The following OGDH variants were observed in gnomAD, a reference collection of about 807,000 sequenced individuals.
The protein encoded by OGDH is oxoglutarate dehydrogenase.
OGDH carries 38 observed loss-of-function variants against 116.6 expected under a neutral mutation model. The observed-to-expected ratio is 0.33, with a 90% CI of 0.25 to 0.43. The LOEUF is 0.43. Among genes scored for constraint, OGDH ranks in the 20% least tolerant of loss-of-function variants. OGDH has a pLI of 1.00. For missense variants in OGDH, 825 were observed against 1,357.2 expected, an observed-to-expected ratio of 0.61 and a Z score of 6.16; for synonymous variants, 488 against 533.3, an observed-to-expected ratio of 0.92 and a Z score of 1.17.
Position 44,703,390 on chromosome 7 carries a change from A to G in OGDH, c.2632+1775A>G, listed in dbSNP as rs541399807. Among the ~76,000 whole-genome samples the G allele has an allele frequency of 7.9e-5, 12 of 151,956 alleles. No individual in the cohort carries two copies. In the South Asian group the frequency reaches 2.5e-3, roughly 32 times the overall value. ...ACCACTGCACTACAGCCTGGGCAAC[A>G]GAGTAGGACTCCATCTCAAAACAAA... On this transcript the variant is annotated intron_variant, in intron 20 of 22. Coordinates refer to ENST00000222673, the MANE Select transcript of OGDH (RefSeq NM_002541.4).
At chr7:44,705,298 C>T (rs531754435) in intron 20 of OGDH, among the ~76,000 whole-genome samples, 3 of 151,076 alleles carry the variant, frequency 2.0e-5, no homozygotes, top group East Asian at 2.0e-4. Flanking sequence ...GTGATCCGCC[C>T]GCCTCGGCCT....
chr7:44,618,080 T>G (rs554467204), intron 1 of OGDH, among the ~76,000 whole-genome samples: 7 of 152,326 alleles, frequency 4.6e-5, no homozygotes, highest in African/African-American at 1.4e-4. Context: ...AAACTAATTT[T>G]CCTTTGGTTT....
At chr7:44,661,395 T>C (rs1786933552) in intron 4 of OGDH, among the ~76,000 whole-genome samples, 1 of 152,180 alleles carries the variant, frequency 6.6e-6, no homozygotes, top group African/African-American at 2.4e-5. Context: ...TTTATATTTA[T>C]CCACTTTTCT....
In OGDH at chr7:44,697,273, A is replaced by G; in HGVS notation, c.2052-97A>G. ...AGCTGCCTGGCCAGAAGTCCAGGTC[A>G]CAGAGCATGGCATCTGCTGGTGCTT... On this transcript the variant is annotated intron_variant, in intron 15 of 22. Transcript: ENST00000222673. The surrounding 1 kb of genome is among the most constrained non-coding windows in gnomAD (Gnocchi z 6.0). 1 of 1,548,444 alleles carries G rather than the reference A, an allele frequency of 6.5e-7. No homozygotes were observed. The highest frequency in any genetic ancestry group is 1.2e-5 in the South Asian group (1 of 83,062).
At chr7:44,701,298 T>C (rs1788818852) in intron 19 of OGDH, among the ~76,000 whole-genome samples, 1 of 151,862 alleles carries the variant, frequency 6.6e-6, no homozygotes, top group Middle Eastern at 3.4e-3. Flanking sequence ...GTATTGGGAG[T>C]CCGAGCAGGC....
intron 1 of OGDH, among the ~76,000 whole-genome samples, chr7:44,610,122 ACT>A (rs1201275879): frequency 1.3e-5 from 2 of 149,812 alleles, no homozygotes; most frequent in Non-Finnish European, 3.0e-5. Context: ...GCCCCTGTAT[ACT>A]CTCGGGTGAA....
At chr7:44,669,527 T>C (rs1164234790) in intron 5 of OGDH, among the ~76,000 whole-genome samples, 3 of 151,848 alleles carry the variant, frequency 2.0e-5, no homozygotes, top group Admixed American at 2.0e-4. Context: ...CACGTCACAG[T>C]GTCACCTCTC....
chr7:44,706,618 G>A (rs1040568817), intron 20 of OGDH, among the ~76,000 whole-genome samples: 7 of 131,548 alleles, frequency 5.3e-5, no homozygotes, highest in Non-Finnish European at 1.1e-4. Flanking sequence ...CATGCGCCCG[G>A]CTGGTATTTT....
At chr7:44,696,197 GA>G in intron 13 of OGDH, 70 bp downstream of exon 13, 3 of 1,239,230 alleles carry the variant, frequency 2.4e-6, no homozygotes, top group Non-Finnish European at 3.5e-6. Context: ...CCTCTTCCCA[GA>G]AAAAATTCAT....
chr7:44,631,673 G>A (rs1025545314), intron 2 of OGDH, among the ~76,000 whole-genome samples: 13 of 152,240 alleles, frequency 8.5e-5, no homozygotes, highest in African/African-American at 2.9e-4. Context: ...TTGTGTGGTA[G>A]TTTGCAGCTC....
chr7:44,609,121 A>G (rs896161525), intron 1 of OGDH, among the ~76,000 whole-genome samples: 2 of 152,114 alleles, frequency 1.3e-5, no homozygotes, highest in African/African-American at 2.4e-5. Context: ...AAGAATGCCA[A>G]ATAAAAGGAT....
chr7:44,613,720 T>A (rs1784656897), intron 1 of OGDH, among the ~76,000 whole-genome samples: 1 of 151,714 alleles, frequency 6.6e-6, no homozygotes, highest in African/African-American at 2.4e-5. Context: ...GTTCTCAAAC[T>A]CCTGACCTCA....
intron 3 of OGDH, among the ~76,000 whole-genome samples, chr7:44,646,113 A>T (rs1786168808): frequency 2.6e-5 from 4 of 152,176 alleles, no homozygotes; most frequent in Non-Finnish European, 5.9e-5. Context: ...TTCCCAGAGC[A>T]CAATAACCAA....
chr7:44,654,174 A>G lies in OGDH; in HGVS notation c.517+6415A>G, dbSNP rs115137591. ...TCCGTGAGATGTACTTTAATGTGAG[A>G]TTTAAACATAATTAAAAGAGAATTA... On this transcript the variant is annotated intron_variant, in intron 4 of 22. Coordinates refer to ENST00000222673, the MANE Select transcript of OGDH (RefSeq NM_002541.4). Among the ~76,000 whole-genome samples the G allele has an allele frequency of 3.6e-3, 544 of 152,340 alleles. 4 individuals carry two copies. Among genetic ancestry groups the G allele is most frequent in the African/African-American group, 0.013 (528 of 41,584 alleles).
chr7:44,676,825 C>T (rs1180901473), intron 9 of OGDH, among the ~76,000 whole-genome samples: 1 of 151,992 alleles, frequency 6.6e-6, no homozygotes, highest in Non-Finnish European at 1.5e-5. Context: ...GGAGGGGAGT[C>T]TGAGAGTCTC....
chr7:44,642,282 T>C (rs2115738292), intron 2 of OGDH, among the ~76,000 whole-genome samples: 1 of 152,114 alleles, frequency 6.6e-6, no homozygotes, highest in African/African-American at 2.4e-5. Flanking sequence ...AAATTAGCCA[T>C]GCGTGGTGGT....
chr7:44,610,610 CT>C (rs1784525438), intron 1 of OGDH, among the ~76,000 whole-genome samples: 1 of 143,570 alleles, frequency 7.0e-6, no homozygotes, highest in Non-Finnish European at 1.5e-5. Context: ...CCCTTTTCAT[CT>C]TTTTGTTTGT....
At chr7:44,665,170 C>T (rs1273126329) in intron 4 of OGDH, among the ~76,000 whole-genome samples, 1 of 151,870 alleles carries the variant, frequency 6.6e-6, no homozygotes, top group African/African-American at 2.4e-5. Context: ...TGGCAAGAGC[C>T]ACGTGCTTCA....
intron 2 of OGDH, among the ~76,000 whole-genome samples, chr7:44,627,586 G>A (rs1191602629): frequency 6.6e-6 from 1 of 152,182 alleles, no homozygotes; most frequent in Non-Finnish European, 1.5e-5. Context: ...GGGCTGCAAG[G>A]ACTAAACTCA....
Sources: gnomAD v4.1 joint callset for allele counts (sites outside exome capture counted in the v4.1 genomes callset) on GRCh38, gnomAD v4.1.1 for gene constraint, Gnocchi (gnomAD v3.1) non-coding constraint, MANE v1.5 for transcripts, NCBI Gene and HGNC (gene_info 2026-07-23, HGNC 2026-07-21) for gene names.